Variants in DENND1B observed in about 807,000 individuals in gnomAD.
DENND1B encodes the protein DENN domain containing 1B.
A neutral mutation model predicts 90.1 loss-of-function variants in DENND1B; 59 were observed. The observed-to-expected ratio is 0.65, with a 90% CI of 0.53 to 0.81. The LOEUF (loss-of-function observed/expected upper bound fraction) is 0.81, where lower values mean the gene tolerates loss of function less well. Among genes scored for constraint, DENND1B ranks in the 40% least tolerant of loss-of-function variants. The pLI is 0.00. For missense variants in DENND1B, 862 were observed against 912.6 expected (o/e 0.94, Z 0.71); for synonymous variants, 337 against 324.6 (o/e 1.04, Z -0.41).
intron 9 of DENND1B, among the ~76,000 whole-genome samples, chr1:197,644,010 C>A (rs1488476029): frequency 6.6e-6 from 1 of 152,108 alleles, no homozygotes; most frequent in Non-Finnish European, 1.5e-5. Context: ...TCTTCAATTT[C>A]CGGAAGATAG....
chr1:197,624,646 A>C (rs993214315), intron 10 of DENND1B, among the ~76,000 whole-genome samples: 1 of 151,926 alleles, frequency 6.6e-6, no homozygotes, highest in Non-Finnish European at 1.5e-5. Context: ...CCTCACCAGC[A>C]ACGGAACAAA....
chr1:197,775,171 TG>T lies in DENND1B; in HGVS notation c.-17del. 1 of 1,287,072 alleles carries T rather than the reference TG, an allele frequency of 7.8e-7. No individual in the cohort carries two copies. The highest frequency in any genetic ancestry group is 9.9e-7 in the Non-Finnish European group (1 of 1,010,678). The allele number at this position is 1,287,072 out of a possible 1,614,324, so 79.7% of individuals were successfully genotyped here. A position where few individuals can be genotyped will look rare whatever the true frequency, so the allele number is the denominator to read the frequency against. On this transcript the variant is annotated 5_prime_UTR_variant, in exon 1 of 23. Transcript: ENST00000620048. Reference sequence around the variant, plus strand: ...TGCAGTCCATGGTTACATGTCGGTGTGGGGCTGTCCGTCCGGCCCCCGCGCG... The same window carrying T: ...TGCAGTCCATGGTTACATGTCGGTGTGGGCTGTCCGTCCGGCCCCCGCGCG...
chr1:197,719,087 T>C (rs1276421166), intron 2 of DENND1B, among the ~76,000 whole-genome samples: 1 of 152,036 alleles, frequency 6.6e-6, no homozygotes. Context: ...CACAGTAAGA[T>C]GAGCCTCAGT....
chr1:197,546,661 C>A, intron 17 of DENND1B, 72 bp downstream of exon 17: 1 of 1,252,268 alleles, frequency 8.0e-7, no homozygotes, highest in South Asian at 1.4e-5. Flanking sequence ...TAAGTATAAA[C>A]AGCATACTTT....
chr1:197,587,880 G>C (rs1388653295), intron 14 of DENND1B, among the ~76,000 whole-genome samples: 3 of 151,986 alleles, frequency 2.0e-5, no homozygotes, highest in Non-Finnish European at 2.9e-5. Context: ...GTCTTATCTG[G>C]GGGTAATGGG....
chr1:197,718,391 T>TAA (rs10639382), intron 2 of DENND1B, among the ~76,000 whole-genome samples: 3,807 of 143,216 alleles, frequency 0.027, 155 homozygotes, highest in African/African-American at 0.085. Context: ...CTTAAAAATG[T>TAA]AAAAAAAAAA....
At chr1:197,591,194 C>T (rs779007956) in intron 14 of DENND1B, among the ~76,000 whole-genome samples, 19 of 152,210 alleles carry the variant, frequency 1.2e-4, no homozygotes, top group South Asian at 6.2e-4. Flanking sequence ...TTATAATTTT[C>T]GGATTCGTTT....
At chr1:197,679,745 T>G (rs918903350) in intron 3 of DENND1B, among the ~76,000 whole-genome samples, 6 of 149,876 alleles carry the variant, frequency 4.0e-5, no homozygotes, top group African/African-American at 1.5e-4. Flanking sequence ...CTCATTAGTT[T>G]AAGAAAGAGA....
chr1:197,548,768 G>A (rs1671002874), intron 16 of DENND1B, among the ~76,000 whole-genome samples: 1 of 152,030 alleles, frequency 6.6e-6, no homozygotes, highest in African/African-American at 2.4e-5. Context: ...ATTTGAAAGG[G>A]AAAGGGGCTG....
chr1:197,736,718 C>G (rs1403059351), intron 2 of DENND1B, among the ~76,000 whole-genome samples: 1 of 152,192 alleles, frequency 6.6e-6, no homozygotes, highest in Non-Finnish European at 1.5e-5. Flanking sequence ...AAATTTGTTA[C>G]TGTAACCTTT....
chr1:197,702,054 T>C (rs1374232806), intron 3 of DENND1B, among the ~76,000 whole-genome samples: 1 of 152,164 alleles, frequency 6.6e-6, no homozygotes, highest in African/African-American at 2.4e-5. Flanking sequence ...CTCTGGAGTC[T>C]ATCAATAAAG....
At chr1:197,584,833 G>A (rs1404324269) in intron 14 of DENND1B, among the ~76,000 whole-genome samples, 1 of 151,958 alleles carries the variant, frequency 6.6e-6, no homozygotes, top group Admixed American at 6.6e-5. Context: ...CACCATGCCC[G>A]GCTAACATTT....
rs1673739740 is a variant in DENND1B at position 197,576,987 on chromosome 1, C to T, written c.1149+6165G>A. Among the ~76,000 whole-genome samples the T allele has an allele frequency of 1.3e-5, 2 of 151,834 alleles. 1 individual carries two copies. Among genetic ancestry groups the T allele is most frequent in the South Asian group, 4.2e-4 (2 of 4,812 alleles). ...AAAAGGCCTATATTCATGGAGAGCCCGTAAGTTTATAGTTCTAGATGAGGC... is the reference window on the plus strand; with the variant it reads ...AAAAGGCCTATATTCATGGAGAGCCTGTAAGTTTATAGTTCTAGATGAGGC... On this transcript the variant is annotated intron_variant, in intron 15 of 22. Transcript: ENST00000620048.
chr1:197,763,399 C>A (rs1655340182), intron 2 of DENND1B, among the ~76,000 whole-genome samples: 1 of 152,186 alleles, frequency 6.6e-6, no homozygotes, highest in African/African-American at 2.4e-5. Context: ...ATACCCTACA[C>A]AATTTCCATT....
chr1:197,776,550 A>G (rs1200830390), upstream of DENND1B, among the ~76,000 whole-genome samples: 1 of 152,204 alleles, frequency 6.6e-6, no homozygotes, highest in East Asian at 1.9e-4. Context: ...AAAGGTGGTT[A>G]CTTCAGACTT....
intron 2 of DENND1B, among the ~76,000 whole-genome samples, chr1:197,762,184 A>G (rs1373482846): frequency 6.6e-6 from 1 of 152,204 alleles, no homozygotes; most frequent in African/African-American, 2.4e-5. Context: ...AAATCCAATA[A>G]ACAACATAAA....
At chr1:197,568,784 C>T (rs1233273140) in intron 15 of DENND1B, among the ~76,000 whole-genome samples, 1 of 151,968 alleles carries the variant, frequency 6.6e-6, no homozygotes, top group African/African-American at 2.4e-5. Flanking sequence ...AAATAGGGCA[C>T]TTATCTCAGA....
intron 2 of DENND1B, among the ~76,000 whole-genome samples, chr1:197,756,427 T>G (rs1364911544): frequency 1.3e-5 from 2 of 151,808 alleles, no homozygotes; most frequent in Non-Finnish European, 2.9e-5. Flanking sequence ...ACACAAAAAT[T>G]AGCTGGGTGT....
chr1:197,612,048 A>G (rs181609179), intron 11 of DENND1B, 72 bp from the exon 12 acceptor site: 3 of 1,175,120 alleles, frequency 2.6e-6, no homozygotes, highest in Non-Finnish European at 3.7e-6. Flanking sequence ...TAAGTAATTC[A>G]AAATGATTAA....
Sources: allele counts gnomAD v4.1 joint callset (sites outside exome capture counted in the v4.1 genomes callset), GRCh38; gene constraint gnomAD v4.1.1; transcripts MANE v1.5; gene names NCBI Gene and HGNC (gene_info 2026-07-23, HGNC 2026-07-21).